IGFL2: variants seen among roughly 807,000 people sequenced by gnomAD.
The protein encoded by IGFL2 is insulin growth factor-like family member 2.
IGFL2 carries 7 observed loss-of-function variants against 13.9 expected under a neutral mutation model. The ratio of observed to expected loss-of-function variants is 0.51; its 90% CI spans 0.29 to 0.95. The LOEUF is 0.95. Among genes scored for constraint, IGFL2 ranks in the 40% least tolerant of loss-of-function variants. The probability of loss-of-function intolerance (pLI) is 0.08; values close to 1 mark genes in which losing one functional copy is unlikely to be tolerated. For synonymous variants in IGFL2, 55 were observed against 55.8 expected (o/e 0.99, Z 0.07); for missense variants, 138 against 147.8 (o/e 0.93, Z 0.34).
the IGFL2 span, among the ~76,000 whole-genome samples, chr19:46,103,124 A>T: frequency 6.6e-6 from 1 of 152,180 alleles, no homozygotes. Flanking sequence ...AGAGTGCCCA[A>T]GGGGGTTCAG....
chr19:46,090,512 C>T, the IGFL2 span, among the ~76,000 whole-genome samples: 1 of 152,214 alleles, frequency 6.6e-6, no homozygotes, highest in Non-Finnish European at 1.5e-5. Flanking sequence ...TGTCTGGGAA[C>T]GCCCTTCAAC....
At chr19:46,197,542 C>A in the IGFL2 span, among the ~76,000 whole-genome samples, 5 of 152,144 alleles carry the variant, frequency 3.3e-5, no homozygotes, top group African/African-American at 1.2e-4. Context: ...CCATCTCTGG[C>A]CTGCTCAGTG....
the IGFL2 span, among the ~76,000 whole-genome samples, chr19:46,100,408 A>G: frequency 6.6e-6 from 1 of 152,192 alleles, no homozygotes; most frequent in Non-Finnish European, 1.5e-5. Context: ...AGGGCTCCAA[A>G]TTTAAAGGGG....
chr19:46,127,059 T>C, the IGFL2 span, among the ~76,000 whole-genome samples: 1 of 152,158 alleles, frequency 6.6e-6, no homozygotes, highest in East Asian at 1.9e-4. Context: ...AAGCTTTTCG[T>C]ATTTTCTCTC....
the IGFL2 span, among the ~76,000 whole-genome samples, chr19:46,187,756 G>GGTGC: frequency 1.0e-5 from 1 of 98,890 alleles, no homozygotes; most frequent in Non-Finnish European, 2.2e-5. Context: ...TTGTGCTGCT[G>GGTGC]GTGCTACCTG....
chr19:46,080,397 T>TAA, the IGFL2 span, among the ~76,000 whole-genome samples: 1 of 150,898 alleles, frequency 6.6e-6, no homozygotes, highest in South Asian at 2.1e-4. Flanking sequence ...TTTTTTAAAA[T>TAA]AAAAAAAAGA....
At chr19:46,111,322 CA>C in the IGFL2 span, 2 of 152,238 alleles carry the variant, frequency 1.3e-5, no homozygotes, top group South Asian at 4.1e-4. Context: ...AGAATGATAT[CA>C]AAAAGTGAAG....
intron 1 of IGFL2, among the ~76,000 whole-genome samples, chr19:46,158,022 A>C (rs1346794457): frequency 1.3e-5 from 2 of 152,198 alleles, no homozygotes; most frequent in African/African-American, 4.8e-5. Flanking sequence ...AATTAATAAC[A>C]AAATAGCACC....
downstream of IGFL2, chr19:46,161,382 G>A (rs755296497): frequency 3.3e-6 from 1 of 305,658 alleles, no homozygotes. Context: ...TTGCAATGGA[G>A]GAAAGAGATT....
chr19:46,129,623 A>G, the IGFL2 span, among the ~76,000 whole-genome samples: 1 of 152,072 alleles, frequency 6.6e-6, no homozygotes, highest in Admixed American at 6.6e-5. Flanking sequence ...ATTTACCCCA[A>G]AGTCATTCAG....
chr19:46,181,133 A>G, the IGFL2 span: 1 of 152,216 alleles, frequency 6.6e-6, no homozygotes, highest in African/African-American at 2.4e-5. Context: ...GAAATCAAAC[A>G]TGACTGACTC....
At chr19:46,197,187 C>A in the IGFL2 span, 1 of 222,220 alleles carries the variant, frequency 4.5e-6, no homozygotes, top group Non-Finnish European at 9.4e-6. Flanking sequence ...TCGAGAAGTG[C>A]TGCCCCTGGT....
the IGFL2 span, chr19:46,124,309 C>G: frequency 1.9e-6 from 3 of 1,610,246 alleles, no homozygotes; most frequent in African/African-American, 1.4e-5. Context: ...GACTGTTATC[C>G]AGCAGACAAG....
At chr19:46,092,337 T>A in the IGFL2 span, among the ~76,000 whole-genome samples, 158 of 147,824 alleles carry the variant, frequency 1.1e-3, 1 homozygote, top group South Asian at 2.8e-3. Flanking sequence ...TTAAAAAAAA[T>A]TTTTTTTTTT....
chr19:46,193,140 C>A, the IGFL2 span, among the ~76,000 whole-genome samples: 1 of 152,106 alleles, frequency 6.6e-6, no homozygotes, highest in Non-Finnish European at 1.5e-5. Context: ...TGCAGTGAGC[C>A]AAGATCGTGT....
the IGFL2 span, among the ~76,000 whole-genome samples, chr19:46,099,627 C>G: frequency 6.6e-6 from 1 of 151,810 alleles, no homozygotes; most frequent in East Asian, 1.9e-4. Flanking sequence ...CCCCCGAGTT[C>G]AAGTGATCTC....
At chr19:46,100,246 A>G in the IGFL2 span, among the ~76,000 whole-genome samples, 1 of 152,122 alleles carries the variant, frequency 6.6e-6, no homozygotes, top group African/African-American at 2.4e-5. Context: ...TTTCTCATCT[A>G]TATGAGTTTG....
intron 1 of IGFL2, among the ~76,000 whole-genome samples, chr19:46,157,231 A>T (rs1353576938): frequency 1.3e-5 from 2 of 152,206 alleles, no homozygotes; most frequent in Non-Finnish European, 2.9e-5. Flanking sequence ...GCACAATCTC[A>T]TCCAGAGAAT....
chr19:46,167,400 C>T, the IGFL2 span, among the ~76,000 whole-genome samples: 5 of 152,172 alleles, frequency 3.3e-5, no homozygotes, highest in Admixed American at 3.3e-4. Flanking sequence ...TCCGTGGTGG[C>T]AGGTAGACTA....
Sources: allele counts gnomAD v4.1 joint callset (sites outside exome capture counted in the v4.1 genomes callset), GRCh38; gene constraint gnomAD v4.1.1; transcripts MANE v1.5; gene names NCBI Gene and HGNC (gene_info 2026-07-23, HGNC 2026-07-21).